SCN4B: variants seen among roughly 807,000 people sequenced by gnomAD.
SCN4B encodes the protein sodium channel regulatory subunit beta-4.
Under a neutral mutation model 19.6 loss-of-function variants are expected in SCN4B, and 20 were observed. The ratio of observed to expected loss-of-function variants is 1.02; its 90% CI spans 0.72 to 1.48. SCN4B has a LOEUF of 1.48. Ranked by LOEUF, SCN4B falls within the 40% of genes most tolerant of loss-of-function variation. The pLI, the probability that SCN4B is intolerant of heterozygous loss-of-function variation, is 0.00. For synonymous variants in SCN4B, 127 were observed against 122.8 expected (o/e 1.03, Z -0.22); for missense variants, 271 against 287.5 (o/e 0.94, Z 0.42).
chr11:118,144,021 T>C lies in SCN4B; in HGVS notation c.275A>G (p.Lys92Arg), dbSNP rs1331642600. 4 of 1,614,080 alleles carry C rather than the reference T, an allele frequency of 2.5e-6. No homozygotes were observed. Among genetic ancestry groups the C allele is most frequent in the Non-Finnish European group, 2.5e-6 (3 of 1,179,932 alleles). Residue 92 changes from lysine to arginine, a missense_variant, in exon 3 of 5, where the codon AAG (lysine) becomes AGG (arginine). Physicochemically the swap from Lys to Arg is conservative, Grantham distance 26. Transcript: ENST00000324727. ...GCGGTCATCGTCTTTCAACGTCACC[T>C]TGGGGTCAGACTTCTCATTCTTCAC... ...GTVKNEKSDPKVTLKDDDRIT... is the reference protein window; with the variant it reads ...GTVKNEKSDPRVTLKDDDRIT...
chr11:118,136,898 G>C lies in SCN4B; in HGVS notation c.*129C>G, dbSNP rs756233303. ...GCTGGGCAGGACTCTGGTTTCTTGTGCCCGGAAAGACTACAGTTTGAGCCA... is the reference window on the plus strand; with the variant it reads ...GCTGGGCAGGACTCTGGTTTCTTGTCCCCGGAAAGACTACAGTTTGAGCCA... On this transcript the variant is annotated 3_prime_UTR_variant, in exon 5 of 5. Transcript: ENST00000324727. The C allele has an allele frequency of 1.4e-6, 1 of 729,844 alleles. No homozygotes were observed. Among genetic ancestry groups the C allele is most frequent in the Admixed American group, 2.0e-5 (1 of 49,826 alleles). The allele number at this position is 729,844 out of a possible 1,614,324, so 45.2% of individuals were successfully genotyped here.
Position 118,137,024 on chromosome 11 carries a change from G to A in SCN4B, c.*3C>T. On this transcript the variant is annotated 3_prime_UTR_variant, in exon 5 of 5. Coordinates refer to ENST00000324727, the MANE Select transcript of SCN4B (RefSeq NM_174934.4). ...CCTGCAGCTGCTCAGCCCGAAGCAG[G>A]GCTCACACTTTTGAAGGTGGTTTCT... 6.2e-7 allele frequency: 1 copy of A among 1,608,514 alleles called. No homozygotes were observed. The highest frequency in any genetic ancestry group is 8.5e-7 in the Non-Finnish European group (1 of 1,174,908).
intron 1 of SCN4B, among the ~76,000 whole-genome samples, chr11:118,147,148 A>G (rs555891069): frequency 1.3e-5 from 2 of 152,216 alleles, no homozygotes; most frequent in Non-Finnish European, 2.9e-5. Flanking sequence ...TTTGAGAACC[A>G]CGGTGCGAGA....
At chr11:118,151,920 T>C (rs1361831252) in intron 1 of SCN4B, among the ~76,000 whole-genome samples, 1 of 152,240 alleles carries the variant, frequency 6.6e-6, no homozygotes, top group Non-Finnish European at 1.5e-5. Flanking sequence ...CTTCTCTGTC[T>C]CCATATTCAC....
Position 118,136,817 on chromosome 11 carries a change from C to A in SCN4B, c.*210G>T. ...TTTCTCCTGAATCTTCCACAGACCC[C>A]CTCCCCTGGCCATCCCTTGTCCCTG... On this transcript the variant is annotated 3_prime_UTR_variant, in exon 5 of 5. Transcript: ENST00000324727. 3.0e-6 allele frequency: 2 copies of A among 674,994 alleles called. No individual in the cohort carries two copies. The highest frequency in any genetic ancestry group is 2.7e-6 in the Non-Finnish European group (1 of 367,852). 41.8% of individuals were successfully genotyped at this position (674,994 alleles called of 1,614,324 possible).
At position 118,133,477 on chromosome 11, in the gene SCN4B, T is replaced by C. The variant is rs1323653820; in HGVS notation, c.*3550A>G. 2.2e-6 allele frequency: 1 copy of C among 453,898 alleles called. No individual in the cohort carries two copies. The highest frequency in any genetic ancestry group is 2.0e-5 in the African/African-American group (1 of 50,002). 28.1% of individuals were successfully genotyped at this position (453,898 alleles called of 1,614,324 possible). The stretch of plus-strand genomic sequence containing the variant: ...CAGACTGATTATATCCGTTCTGTGC[T>C]CGAACACAAGTCAGTGCTGGCTGTG... On this transcript the variant is annotated 3_prime_UTR_variant, in exon 5 of 5. Transcript: ENST00000324727.
In SCN4B at chr11:118,141,192, T is replaced by C; in HGVS notation, c.593+15A>G. The C allele has an allele frequency of 3.1e-6, 5 of 1,612,748 alleles. No homozygotes were observed. Among genetic ancestry groups the C allele is most frequent in the Non-Finnish European group, 3.4e-6 (4 of 1,179,948 alleles). On this transcript the variant is annotated intron_variant, in intron 4 of 4. Transcript: ENST00000324727. ...GGCTGCTGGGAGGACAGGAGTGTGC[T>C]CCAGATCAACTCACTTCTTCTCCCG...
intron 1 of SCN4B, among the ~76,000 whole-genome samples, chr11:118,150,070 TAAAC>T (rs1312637120): frequency 6.6e-6 from 1 of 152,170 alleles, no homozygotes; most frequent in African/African-American, 2.4e-5. Flanking sequence ...GCATTCTCAT[TAAAC>T]AAGCCCTTAA....
chr11:118,143,890 G>A lies in SCN4B; in HGVS notation c.406C>T (p.Pro136Ser). The part of the protein sequence containing the change: ...TGKYTCHVKN[P>S]KENNLQHHAT... ...TGGTGCTGGAGATTATTCTCCTTGG[G>A]GTTCTTCACATGGCAGGTGTATTTG... The change falls in exon 3 of 5, where the codon CCC becomes TCC. Residue 136 changes from proline (P) to serine (S), a missense_variant. Transcript: ENST00000324727. The A allele has an allele frequency of 1.2e-6, 2 of 1,613,602 alleles. No individual in the cohort carries two copies. The highest frequency in any genetic ancestry group is 2.2e-5 in the South Asian group (2 of 91,032).
At chr11:118,144,411 G>A (rs974790276) in intron 2 of SCN4B, among the ~76,000 whole-genome samples, 5 of 152,120 alleles carry the variant, frequency 3.3e-5, no homozygotes, top group African/African-American at 1.2e-4. Flanking sequence ...AGCCTTTGCT[G>A]ACACCATGTC....
intron 2 of SCN4B, 108 bp from the exon 3 acceptor site, chr11:118,144,169 G>A (rs1336533528): frequency 2.6e-6 from 2 of 766,326 alleles, no homozygotes; most frequent in Admixed American, 1.8e-5. Flanking sequence ...CCCTGTCCAG[G>A]ACCAGGAAGA....
chr11:118,137,101 A>T lies in SCN4B; in HGVS notation c.613T>A (p.Ser205Thr), dbSNP rs761183228. Residue 205 changes from serine to threonine, a missense_variant, in exon 5 of 5, where the codon TCC becomes ACC. Transcript: ENST00000324727. ...TTCTCCGTGTTGTCATTCCCCGAGG[A>T]GCTCACGAGACACTCCTTCCTGGAG... ...REKKKECLVS[S>T]SGNDNTENGL... The T allele has an allele frequency of 9.3e-6, 15 of 1,613,510 alleles. No homozygotes were observed. The highest frequency in any genetic ancestry group is 4.0e-5 in the African/African-American group (3 of 74,866).
At chr11:118,141,428 GC>G in intron 3 of SCN4B, 92 bp from the exon 4 acceptor site, 1 of 1,512,694 alleles carries the variant, frequency 6.6e-7, no homozygotes, top group Non-Finnish European at 9.1e-7. Flanking sequence ...GGGCCATGTA[GC>G]CTCCACCCCC....
Position 118,152,784 on chromosome 11 carries a change from G to A in SCN4B, c.-111C>T. ...CCACAAAGCTACCCCGGAGCTCTGC[G>A]CCGCCGGTCGGGGCTCGGGAAAGTT... is the stretch of plus-strand genomic sequence containing the variant. On this transcript the variant is annotated 5_prime_UTR_variant, in exon 1 of 5. Coordinates refer to ENST00000324727, the MANE Select transcript of SCN4B (RefSeq NM_174934.4). The A allele has an allele frequency of 3.9e-6, 3 of 779,042 alleles. No individual in the cohort carries two copies. Among genetic ancestry groups the A allele is most frequent in the Non-Finnish European group, 5.8e-6 (3 of 513,322 alleles). 48.3% of individuals were successfully genotyped at this position (779,042 alleles called of 1,614,324 possible).
At chr11:118,145,988 G>A (rs1195880468) in intron 1 of SCN4B, among the ~76,000 whole-genome samples, 1 of 152,224 alleles carries the variant, frequency 6.6e-6, no homozygotes, top group East Asian at 1.9e-4. Context: ...GCGGGGGCGC[G>A]CGGGCGCAGC....
chr11:118,144,116 T>G, intron 2 of SCN4B, 55 bp from the exon 3 acceptor site: 1 of 1,224,522 alleles, frequency 8.2e-7, no homozygotes. Flanking sequence ...ATCGGGGTCC[T>G]CAAGGGTCAT....
In SCN4B at chr11:118,133,611, G is replaced by A. The variant is rs1947948393; in HGVS notation, c.*3416C>T. 1 of 454,428 alleles carries A rather than the reference G, an allele frequency of 2.2e-6. No individual in the cohort carries two copies. Among genetic ancestry groups the A allele is most frequent in the Non-Finnish European group, 4.4e-6 (1 of 226,806 alleles). 28.1% of individuals were successfully genotyped at this position (454,428 alleles called of 1,614,324 possible). ...AGGAAAATTGACTATGGGTATTGTTGTCATCCAAGCCAGAGGAATAAACCA... is the reference window on the plus strand; with the variant it reads ...AGGAAAATTGACTATGGGTATTGTTATCATCCAAGCCAGAGGAATAAACCA... On this transcript the variant is annotated 3_prime_UTR_variant, in exon 5 of 5. Coordinates refer to ENST00000324727, the MANE Select transcript of SCN4B (RefSeq NM_174934.4).
chr11:118,139,058 G>A (rs889619049), intron 4 of SCN4B, among the ~76,000 whole-genome samples: 2 of 151,802 alleles, frequency 1.3e-5, no homozygotes, highest in Admixed American at 6.6e-5. Flanking sequence ...CTCTCTGATC[G>A]TGCCAGGGCC....
chr11:118,133,972 C>T lies in SCN4B; in HGVS notation c.*3055G>A, dbSNP rs1173923898. On this transcript the variant is annotated 3_prime_UTR_variant, in exon 5 of 5. Transcript: ENST00000324727. ...TCACCCCTTACATGCAGAGCCCATC[C>T]ACTCCACAGTTACGCTGCCATGCAC... 6.6e-6 allele frequency: 3 copies of T among 454,566 alleles called. No homozygotes were observed. The highest frequency in any genetic ancestry group is 8.8e-6 in the Non-Finnish European group (2 of 226,798). 28.2% of individuals were successfully genotyped at this position (454,566 alleles called of 1,614,324 possible). A position where few individuals can be genotyped will look rare whatever the true frequency, so the allele number is the denominator to read the frequency against.
Sources: allele counts gnomAD v4.1 joint callset (sites outside exome capture counted in the v4.1 genomes callset), GRCh38; gene constraint gnomAD v4.1.1; transcripts MANE v1.5; gene names NCBI Gene and HGNC (gene_info 2026-07-23, HGNC 2026-07-21).